SEMA5A: variants seen among roughly 807,000 people sequenced by gnomAD.
SEMA5A encodes the protein semaphorin 5A, also known as semaphorin-5A.
Under a neutral mutation model 135.5 loss-of-function variants are expected in SEMA5A, and 55 were observed. The ratio of observed to expected loss-of-function variants is 0.41; its 90% CI spans 0.33 to 0.51. The LOEUF is 0.51. Ranked by LOEUF, SEMA5A falls within the 20% of genes least tolerant of loss-of-function variation. The pLI is 0.37. For synonymous variants in SEMA5A, 580 were observed against 546.5 expected, an observed-to-expected ratio of 1.06 and a Z score of -0.85; for missense variants, 1,290 against 1,419.9, an observed-to-expected ratio of 0.91 and a Z score of 1.47.
chr5:9,152,021 A>G lies in SEMA5A; in HGVS notation c.1481+2467T>C, dbSNP rs145706312. Among the ~76,000 whole-genome samples, 213 of 152,344 alleles carry G rather than the reference A, an allele frequency of 1.4e-3. 1 individual carries two copies. The highest frequency in any genetic ancestry group is 3.5e-3 in the South Asian group (17 of 4,828). On this transcript the variant is annotated intron_variant, in intron 12 of 22. Coordinates refer to ENST00000382496, the MANE Select transcript of SEMA5A (RefSeq NM_003966.3). ...CAGGTGCATGAGAGATGCCAGGGACACTGTGCCTCTCATCACTGATCTGAT... is the reference window on the plus strand; with the variant it reads ...CAGGTGCATGAGAGATGCCAGGGACGCTGTGCCTCTCATCACTGATCTGAT...
At chr5:9,284,887 G>A (rs772751700) in intron 5 of SEMA5A, among the ~76,000 whole-genome samples, 1 of 152,152 alleles carries the variant, frequency 6.6e-6, no homozygotes. Context: ...GGAAGGATCC[G>A]TCCTGGCAGC....
chr5:9,534,024 C>T (rs1737606633), intron 1 of SEMA5A, among the ~76,000 whole-genome samples: 1 of 152,294 alleles, frequency 6.6e-6, no homozygotes, highest in South Asian at 2.1e-4. Context: ...AAGATAAAAG[C>T]GAGTGACCCT....
intron 1 of SEMA5A, among the ~76,000 whole-genome samples, chr5:9,499,506 T>C (rs545310532): frequency 4.1e-4 from 62 of 152,316 alleles, no homozygotes; most frequent in South Asian, 2.9e-3. Flanking sequence ...GTTTGTCTTC[T>C]TCCTCCATTA....
intron 5 of SEMA5A, among the ~76,000 whole-genome samples, chr5:9,274,577 G>A (rs958202879): frequency 2.6e-4 from 40 of 152,130 alleles, no homozygotes; most frequent in African/African-American, 9.4e-4. Context: ...CCACGTAAGT[G>A]GATGTAAAAC....
chr5:9,490,608 G>C (rs1303693927), intron 1 of SEMA5A, among the ~76,000 whole-genome samples: 1 of 152,134 alleles, frequency 6.6e-6, no homozygotes, highest in Non-Finnish European at 1.5e-5. Flanking sequence ...AAGCAGGCTG[G>C]TGTGAAGGGT....
At chr5:9,065,895 C>T (rs1737437884) in intron 17 of SEMA5A, among the ~76,000 whole-genome samples, 1 of 152,188 alleles carries the variant, frequency 6.6e-6, no homozygotes, top group South Asian at 2.1e-4. Context: ...CATGCTATTA[C>T]TATGGCATTC....
At chr5:9,513,054 A>C (rs530410390) in intron 1 of SEMA5A, among the ~76,000 whole-genome samples, 5 of 99,966 alleles carry the variant, frequency 5.0e-5, no homozygotes, top group Non-Finnish European at 1.1e-4. Flanking sequence ...AATGAGATGC[A>C]AATATATATA....
At chr5:9,477,507 A>G (rs915677345) in intron 1 of SEMA5A, among the ~76,000 whole-genome samples, 2 of 152,232 alleles carry the variant, frequency 1.3e-5, no homozygotes, top group Non-Finnish European at 2.9e-5. Context: ...AATCAAGTCC[A>G]GGCTGAGGTG....
chr5:9,322,438 CA>C (rs2150678699), intron 4 of SEMA5A, among the ~76,000 whole-genome samples: 1 of 152,222 alleles, frequency 6.6e-6, no homozygotes, highest in African/African-American at 2.4e-5. Flanking sequence ...GAAATACCAT[CA>C]CCAGCACCAG....
intron 2 of SEMA5A, among the ~76,000 whole-genome samples, chr5:9,406,445 G>C (rs1448293633): frequency 6.6e-6 from 1 of 152,134 alleles, no homozygotes; most frequent in African/African-American, 2.4e-5. Context: ...ATTCCAGTGA[G>C]AATTGAATAA....
chr5:9,303,583 G>A (rs1008446689), intron 5 of SEMA5A, among the ~76,000 whole-genome samples: 1 of 151,986 alleles, frequency 6.6e-6, no homozygotes, highest in Non-Finnish European at 1.5e-5. Context: ...TTATAAAATA[G>A]CTGGAAGAGA....
Position 9,040,628 on chromosome 5 carries a change from T to C in SEMA5A, c.*2269A>G, listed in dbSNP as rs1238528067. 6.6e-6 allele frequency: 1 copy of C among 152,226 alleles called. No individual in the cohort carries two copies. The highest frequency in any genetic ancestry group is 1.5e-5 in the Non-Finnish European group (1 of 68,032). The allele number at this position is 152,226 out of a possible 1,614,324, so 9.4% of individuals were successfully genotyped here. A position where few individuals can be genotyped will look rare whatever the true frequency, so the allele number is the denominator to read the frequency against. On this transcript the variant is annotated 3_prime_UTR_variant, in exon 23 of 23. Transcript: ENST00000382496. ...AAACAAAAATGGGATTCTTTTGCAA[T>C]GCTAATTTCAAAGGTTTGTTTATAT...
chr5:9,132,320 G>T (rs1422436382), intron 13 of SEMA5A, among the ~76,000 whole-genome samples: 1 of 152,150 alleles, frequency 6.6e-6, no homozygotes, highest in African/African-American at 2.4e-5. Flanking sequence ...CCAAATTCAG[G>T]TGTTTCCAGT....
chr5:9,541,360 A>G (rs1204988977), intron 1 of SEMA5A, among the ~76,000 whole-genome samples: 2 of 152,246 alleles, frequency 1.3e-5, no homozygotes, highest in Non-Finnish European at 2.9e-5. Context: ...TCATTATTCT[A>G]CATGAACCCT....
chr5:9,193,255 T>C (rs894595926), intron 10 of SEMA5A, among the ~76,000 whole-genome samples: 1 of 152,158 alleles, frequency 6.6e-6, no homozygotes, highest in African/African-American at 2.4e-5. Context: ...CCTTTTATGC[T>C]GGACTCCCGC....
chr5:9,506,356 G>A (rs151338682), intron 1 of SEMA5A, among the ~76,000 whole-genome samples: 18 of 152,306 alleles, frequency 1.2e-4, no homozygotes, highest in African/African-American at 3.8e-4. Context: ...CAGCTCTAAT[G>A]TTCAGGGTGA....
chr5:9,528,107 G>A (rs1447088614), intron 1 of SEMA5A, among the ~76,000 whole-genome samples: 3 of 152,136 alleles, frequency 2.0e-5, no homozygotes, highest in African/African-American at 7.2e-5. Flanking sequence ...ACTTAGGTAA[G>A]TTCCCACTGC....
At chr5:9,221,495 G>A (rs1289788803) in intron 8 of SEMA5A, among the ~76,000 whole-genome samples, 16 of 151,598 alleles carry the variant, frequency 1.1e-4, no homozygotes, top group Admixed American at 3.3e-4. Flanking sequence ...GTAGAGACGG[G>A]GTTTCACAGT....
chr5:9,152,989 A>G lies in SEMA5A; in HGVS notation c.1481+1499T>C, dbSNP rs190345910. ...AGGCTGAGGAAAGAGAATCGCTTGA[A>G]CCCAGGAGGTGGAGATTGCAGTGAG... On this transcript the variant is annotated intron_variant, in intron 12 of 22. Transcript: ENST00000382496. 8.4e-4 allele frequency among the ~76,000 whole-genome samples: 128 copies of G among 151,754 alleles called. 1 individual carries two copies. Among genetic ancestry groups the G allele is most frequent in the African/African-American group, 2.9e-3 (120 of 41,328 alleles).
Sources: allele counts gnomAD v4.1 joint callset (sites outside exome capture counted in the v4.1 genomes callset), GRCh38; gene constraint gnomAD v4.1.1; transcripts MANE v1.5; gene names NCBI Gene and HGNC (gene_info 2026-07-23, HGNC 2026-07-21).